Variants in NBAS observed in about 807,000 individuals in gnomAD.
The protein encoded by NBAS is NAG/BC035112 fusion.
NBAS carries 219 observed loss-of-function variants against 302.5 expected under a neutral mutation model. The observed-to-expected ratio is 0.72, with a 90% confidence interval of 0.65 to 0.81. The LOEUF is 0.81. Among genes scored for constraint, NBAS ranks in the 30% least tolerant of loss-of-function variants. The pLI is 0.00. For missense variants in NBAS, 2,932 were observed against 2,841.6 expected (o/e 1.03, Z -0.72); for synonymous variants, 1,118 against 1,021.6 (o/e 1.09, Z -1.80).
chr2:15,012,481 T>C, the NBAS span, among the ~76,000 whole-genome samples: 3,746 of 152,242 alleles, frequency 0.025, 147 homozygotes, highest in East Asian at 0.089. Flanking sequence ...GCAGAAAATA[T>C]ATTTAATGAA....
At chr2:14,782,363 A>G in the NBAS span, among the ~76,000 whole-genome samples, 1 of 152,234 alleles carries the variant, frequency 6.6e-6, no homozygotes, top group African/African-American at 2.4e-5. Context: ...GAAAAAGCTC[A>G]ATATCACTGA....
At chr2:15,061,094 C>G in the NBAS span, among the ~76,000 whole-genome samples, 1 of 152,154 alleles carries the variant, frequency 6.6e-6, no homozygotes, top group Non-Finnish European at 1.5e-5. Flanking sequence ...ATTCAGGGCT[C>G]AGGATGAGAT....
the NBAS span, among the ~76,000 whole-genome samples, chr2:14,955,259 A>G: frequency 6.6e-5 from 10 of 152,338 alleles, no homozygotes; most frequent in South Asian, 2.1e-4. Context: ...CTGAGGCAAG[A>G]GGTGGGCTCC....
At chr2:15,269,841 C>G (rs906750664) in intron 44 of NBAS, among the ~76,000 whole-genome samples, 5 of 152,204 alleles carry the variant, frequency 3.3e-5, no homozygotes, top group African/African-American at 1.2e-4. Context: ...TGCAACTAGT[C>G]TTTAAGACTT....
chr2:15,144,051 A>ATATATATTATCC, the NBAS span, among the ~76,000 whole-genome samples: 1 of 136,584 alleles, frequency 7.3e-6, no homozygotes, highest in African/African-American at 2.9e-5. Context: ...ATATAAAAAT[A>ATATATATTATCC]TATATATATA....
chr2:15,301,939 C>A (rs1670816565), intron 40 of NBAS, among the ~76,000 whole-genome samples: 1 of 152,134 alleles, frequency 6.6e-6, no homozygotes, highest in Non-Finnish European at 1.5e-5. Context: ...AACGGGAGAT[C>A]CTGAAGGATT....
At chr2:15,395,664 A>C (rs1037962024) in intron 27 of NBAS, among the ~76,000 whole-genome samples, 4 of 152,198 alleles carry the variant, frequency 2.6e-5, no homozygotes, top group African/African-American at 9.6e-5. Context: ...GTGGACTCCA[A>C]ATTATCATAC....
chr2:15,409,004 T>A (rs138117769), intron 25 of NBAS, among the ~76,000 whole-genome samples: 29 of 152,248 alleles, frequency 1.9e-4, no homozygotes, highest in African/African-American at 7.0e-4. Flanking sequence ...CAAGACACCA[T>A]CCCTACAAAA....
At chr2:14,997,592 T>C in the NBAS span, among the ~76,000 whole-genome samples, 58,843 of 151,948 alleles carry the variant, frequency 0.39, 12,187 homozygotes, top group Middle Eastern at 0.43. Flanking sequence ...TTTGTTAACA[T>C]AGCCATTACC....
At chr2:15,000,690 T>C in the NBAS span, among the ~76,000 whole-genome samples, 9 of 150,828 alleles carry the variant, frequency 6.0e-5, no homozygotes, top group Admixed American at 5.9e-4. Context: ...TACCGAGAGG[T>C]GAAGGATGAT....
At chr2:15,303,702 G>C (rs745647625) in intron 40 of NBAS, among the ~76,000 whole-genome samples, 1 of 151,996 alleles carries the variant, frequency 6.6e-6, no homozygotes, top group Non-Finnish European at 1.5e-5. Flanking sequence ...TTTTCATTTT[G>C]GTACAAAGTA....
chr2:14,972,539 C>T, the NBAS span, among the ~76,000 whole-genome samples: 1 of 152,212 alleles, frequency 6.6e-6, no homozygotes, highest in Admixed American at 6.5e-5. Context: ...ATTTGCCATA[C>T]ATATGAAATT....
chr2:15,202,006 T>C (rs1373111222), intron 48 of NBAS, among the ~76,000 whole-genome samples: 5 of 152,224 alleles, frequency 3.3e-5, no homozygotes, highest in Admixed American at 2.0e-4. Context: ...AACTTTTAGC[T>C]CTGCTTCTTT....
intron 49 of NBAS, among the ~76,000 whole-genome samples, chr2:15,189,830 C>A (rs1001728595): frequency 4.6e-5 from 7 of 152,184 alleles, no homozygotes; most frequent in Admixed American, 6.5e-5. Context: ...GATAACATCA[C>A]CTTCCCTTGT....
intron 50 of NBAS, among the ~76,000 whole-genome samples, chr2:15,185,852 T>C (rs1271527629): frequency 6.6e-6 from 1 of 152,076 alleles, no homozygotes; most frequent in East Asian, 1.9e-4. Flanking sequence ...TTTCCTTGAG[T>C]GATTACAATA....
the NBAS span, among the ~76,000 whole-genome samples, chr2:14,920,778 C>A: frequency 1.3e-5 from 2 of 152,132 alleles, no homozygotes; most frequent in East Asian, 1.9e-4. Context: ...CCTCTCTGAG[C>A]CTTCATAGAA....
the NBAS span, among the ~76,000 whole-genome samples, chr2:14,780,991 C>A: frequency 6.6e-6 from 1 of 152,148 alleles, no homozygotes; most frequent in African/African-American, 2.4e-5. Context: ...AGAGACAATT[C>A]TATTTAAAAA....
chr2:14,842,960 C>A, the NBAS span, among the ~76,000 whole-genome samples: 2 of 151,692 alleles, frequency 1.3e-5, no homozygotes, highest in Non-Finnish European at 2.9e-5. Context: ...TAAAAAAGAT[C>A]ATTCACAATA....
At chr2:15,085,185 G>A in the NBAS span, among the ~76,000 whole-genome samples, 6 of 152,174 alleles carry the variant, frequency 3.9e-5, no homozygotes, top group Non-Finnish European at 5.9e-5. Context: ...CACGGAGTGC[G>A]GGGGCCGGTT....
Sources: gnomAD v4.1 joint callset for allele counts (sites outside exome capture counted in the v4.1 genomes callset) on GRCh38, gnomAD v4.1.1 for gene constraint, MANE v1.5 for transcripts, NCBI Gene and HGNC (gene_info 2026-07-23, HGNC 2026-07-21) for gene names.